The following RASAL2 variants were observed in gnomAD, a reference collection of about 807,000 sequenced individuals.
RASAL2 encodes the protein ras GTPase-activating protein nGAP.
In RASAL2, 58 loss-of-function variants were observed where a neutral mutation model predicts 128.9. The observed-to-expected ratio is 0.45, with a 90% CI of 0.36 to 0.56. RASAL2 has a LOEUF of 0.56. RASAL2 is among the 20% of genes least tolerant of loss of function. The pLI is 0.00. For synonymous variants in RASAL2, 561 were observed against 580.8 expected (o/e 0.97, Z 0.49); for missense variants, 1,360 against 1,601.6 (o/e 0.85, Z 2.57).
chr1:178,118,947 A>C (rs965516756), intron 1 of RASAL2, among the ~76,000 whole-genome samples: 7 of 151,976 alleles, frequency 4.6e-5, no homozygotes, highest in Non-Finnish European at 1.0e-4. Context: ...GGCTCACTGC[A>C]ACCTCTGCCT....
At chr1:178,250,299 C>T (rs1284956046) in intron 1 of RASAL2, among the ~76,000 whole-genome samples, 2 of 152,208 alleles carry the variant, frequency 1.3e-5, no homozygotes, top group Non-Finnish European at 2.9e-5. Flanking sequence ...TCTAGAGAGA[C>T]AGTCAGGCCA....
chr1:178,420,088 A>G (rs1440130053), intron 4 of RASAL2, among the ~76,000 whole-genome samples: 1 of 152,206 alleles, frequency 6.6e-6, no homozygotes, highest in East Asian at 1.9e-4. Flanking sequence ...GGGCCTTTGC[A>G]CATGCCATTT....
At position 178,464,263 on chromosome 1, in the gene RASAL2, C is replaced by T; in HGVS notation, c.3253-15C>T. 6 of 1,601,198 alleles carry T rather than the reference C, an allele frequency of 3.7e-6. No homozygotes were observed. The highest frequency in any genetic ancestry group is 5.1e-6 in the Non-Finnish European group (6 of 1,173,208). ...GAGCTGTTAGGGGAAATGCTAATAA[C>T]TGTTTCTGATGCAGGTTCAGTCACC... On this transcript the variant is annotated splice_polypyrimidine_tract_variant and intron_variant, in intron 14 of 17. Transcript: ENST00000367649.
rs541777596 is a variant in RASAL2, at chr1:178,427,631, A to G, written c.674+7011A>G. 1.7e-3 allele frequency among the ~76,000 whole-genome samples: 254 copies of G among 152,274 alleles called. 1 individual carries two copies. Among genetic ancestry groups the G allele is most frequent in the African/African-American group, 5.9e-3 (245 of 41,572 alleles). On this transcript the variant is annotated intron_variant, in intron 5 of 17. Coordinates refer to ENST00000367649, the MANE Select transcript of RASAL2 (RefSeq NM_170692.4). The stretch of plus-strand genomic sequence containing the variant: ...ATATAAAGAAAGTTGCAAAAATAGT[A>G]CATACAGTTCTGTAGACTCTTCCCC...
intron 1 of RASAL2, among the ~76,000 whole-genome samples, chr1:178,134,685 G>C (rs1660255506): frequency 6.6e-6 from 1 of 152,158 alleles, no homozygotes; most frequent in Non-Finnish European, 1.5e-5. Context: ...ATCAATTGCA[G>C]ACAAGAGCAG....
At chr1:178,413,203 G>C (rs919847950) in intron 4 of RASAL2, among the ~76,000 whole-genome samples, 1 of 152,022 alleles carries the variant, frequency 6.6e-6, no homozygotes, top group Non-Finnish European at 1.5e-5. Flanking sequence ...CAGGTGATCC[G>C]CCTGCCTCAG....
intron 3 of RASAL2, among the ~76,000 whole-genome samples, chr1:178,334,443 A>T (rs1167538346): frequency 6.6e-6 from 1 of 151,450 alleles, no homozygotes; most frequent in Non-Finnish European, 1.5e-5. Context: ...GGTTCAAGCC[A>T]TTCTCCTGCC....
In RASAL2 at chr1:178,473,488, T is replaced by G; in HGVS notation, c.*249T>G. On this transcript the variant is annotated 3_prime_UTR_variant, in exon 18 of 18. Coordinates refer to ENST00000367649, the MANE Select transcript of RASAL2 (RefSeq NM_170692.4). ...CTGGGCCATGTACAGAAAATATCAC[T>G]GTAATATACCAAAAGGAAGTTAATA... 3.8e-6 allele frequency: 2 copies of G among 521,082 alleles called. No individual in the cohort carries two copies. The allele number at this position is 521,082 out of a possible 1,614,324, so 32.3% of individuals were successfully genotyped here.
At chr1:178,398,571 A>G (rs1225443495) in intron 4 of RASAL2, among the ~76,000 whole-genome samples, 1 of 150,492 alleles carries the variant, frequency 6.6e-6, no homozygotes, top group Non-Finnish European at 1.5e-5. Context: ...CAGGAAATAG[A>G]AAAGGATGCT....
chr1:178,158,826 A>G (rs1661176045), intron 1 of RASAL2, among the ~76,000 whole-genome samples: 1 of 152,228 alleles, frequency 6.6e-6, no homozygotes, highest in South Asian at 2.1e-4. Flanking sequence ...TCTTAGGAGA[A>G]AGATATGTGC....
At chr1:178,257,232 C>T (rs1436283495) in intron 1 of RASAL2, among the ~76,000 whole-genome samples, 1 of 152,162 alleles carries the variant, frequency 6.6e-6, no homozygotes, top group Non-Finnish European at 1.5e-5. Flanking sequence ...AATACAATCC[C>T]TGTCAGAATC....
chr1:178,279,311 A>G (rs77191006), intron 1 of RASAL2, among the ~76,000 whole-genome samples: 3,417 of 152,224 alleles, frequency 0.022, 115 homozygotes, highest in African/African-American at 0.074. Flanking sequence ...ACCACAAACA[A>G]CTAGAAAGTT....
At chr1:178,168,520 A>G (rs529897529) in intron 1 of RASAL2, among the ~76,000 whole-genome samples, 2 of 152,194 alleles carry the variant, frequency 1.3e-5, no homozygotes, top group Non-Finnish European at 2.9e-5. Flanking sequence ...CTATGAGGGC[A>G]CTGCTGTTTT....
In RASAL2 at chr1:178,346,486, A is replaced by T. The variant is rs577181431; in HGVS notation, c.458-43614A>T. Among the ~76,000 whole-genome samples the T allele has an allele frequency of 1.1e-4, 16 of 152,208 alleles. No homozygotes were observed. In the South Asian group the frequency reaches 1.7e-3, roughly 16 times the overall value. ...ATTTTCCTTGAAGCATTTTTCCTCC[A>T]CCTGAAGTCCAGTGAAATGTCACTG... On this transcript the variant is annotated intron_variant, in intron 3 of 17. Transcript: ENST00000367649.
At chr1:178,347,221 C>A (rs1182952470) in intron 3 of RASAL2, among the ~76,000 whole-genome samples, 1 of 152,142 alleles carries the variant, frequency 6.6e-6, no homozygotes, top group African/African-American at 2.4e-5. Context: ...TGATTTATGA[C>A]AGCTTCCCAG....
intron 1 of RASAL2, among the ~76,000 whole-genome samples, chr1:178,214,804 C>T (rs932254187): frequency 5.9e-5 from 9 of 152,000 alleles, no homozygotes; most frequent in Non-Finnish European, 8.8e-5. Flanking sequence ...GTGATCTGCC[C>T]GCCTCGGCCT....
At chr1:178,305,970 T>C (rs1450182156) in intron 3 of RASAL2, among the ~76,000 whole-genome samples, 1 of 152,072 alleles carries the variant, frequency 6.6e-6, no homozygotes, top group African/African-American at 2.4e-5. Flanking sequence ...GAGACAAATG[T>C]GTATGGGGAA....
chr1:178,094,927 G>A lies in RASAL2; in HGVS notation c.202+233G>A, dbSNP rs141401983. On this transcript the variant is annotated intron_variant, in intron 1 of 17. Coordinates refer to ENST00000367649, the MANE Select transcript of RASAL2 (RefSeq NM_170692.4). ...TTCAGACACCTGCAGTAAGTTTAAT[G>A]CGGGAGTTGGGCTATCCAAGACGTA... 4.8e-3 allele frequency among the ~76,000 whole-genome samples: 738 copies of A among 152,264 alleles called. 4 individuals carry two copies. The highest frequency in any genetic ancestry group is 6.5e-3 in the Non-Finnish European group (442 of 68,024).
At chr1:178,453,234 T>A (rs911420845) in intron 11 of RASAL2, among the ~76,000 whole-genome samples, 9 of 152,084 alleles carry the variant, frequency 5.9e-5, no homozygotes, top group Admixed American at 5.2e-4. Flanking sequence ...GGGCAATGGG[T>A]GGAATTTAAA....
Sources: gnomAD v4.1 joint callset for allele counts (sites outside exome capture counted in the v4.1 genomes callset) on GRCh38, gnomAD v4.1.1 for gene constraint, MANE v1.5 for transcripts, NCBI Gene and HGNC (gene_info 2026-07-23, HGNC 2026-07-21) for gene names.